GRID2: variants seen among roughly 807,000 people sequenced by gnomAD.
The protein encoded by GRID2 is glutamate ionotropic receptor delta type subunit 2.
In GRID2, 33 loss-of-function variants were observed where a neutral mutation model predicts 114.8. The ratio of observed to expected loss-of-function variants is 0.29; its 90% CI spans 0.22 to 0.38. The LOEUF (loss-of-function observed/expected upper bound fraction) is 0.38, where lower values mean the gene tolerates loss of function less well. Ranked by LOEUF, GRID2 falls within the 10% of genes least tolerant of loss-of-function variation. The pLI is 1.00. For missense variants in GRID2, 1,184 were observed against 1,257.7 expected (o/e 0.94, Z 0.89); for synonymous variants, 505 against 449.9 (o/e 1.12, Z -1.55).
At chr4:92,604,123 A>G (rs1729347297) in intron 2 of GRID2, among the ~76,000 whole-genome samples, 2 of 152,176 alleles carry the variant, frequency 1.3e-5, no homozygotes, top group Admixed American at 6.6e-5. Flanking sequence ...TGTGGAAGAC[A>G]GTGTGGCAAT....
chr4:93,644,745 G>A (rs1721952874), intron 14 of GRID2, among the ~76,000 whole-genome samples: 2 of 152,080 alleles, frequency 1.3e-5, no homozygotes, highest in African/African-American at 4.8e-5. Flanking sequence ...ATTCATTAAG[G>A]TAGATGAGAA....
rs1470596482 is a variant in GRID2 at position 93,631,000 on chromosome 4, AC to A, written c.2360+4566del. ...ACACATAATAACCCGTGAGGTAAAT[AC>A]TGTTGCTGTCCTAATTGTACAGATA... On this transcript the variant is annotated intron_variant, in intron 14 of 15. Coordinates refer to ENST00000282020, the MANE Select transcript of GRID2 (RefSeq NM_001510.4). Among the ~76,000 whole-genome samples, 80 of 152,142 alleles carry A rather than the reference AC, an allele frequency of 5.3e-4. 1 individual carries two copies. Among genetic ancestry groups the A allele is most frequent in the Non-Finnish European group, 1.3e-4 (9 of 68,032 alleles).
At chr4:93,483,712 A>ACATGAAATC (rs1726094443) in intron 11 of GRID2, among the ~76,000 whole-genome samples, 3 of 151,972 alleles carry the variant, frequency 2.0e-5, no homozygotes, top group Non-Finnish European at 2.9e-5. Flanking sequence ...CATGTGGTAA[A>ACATGAAATC]ACAATCACAT....
chr4:92,672,042 ATTAT>A (rs932186065), intron 2 of GRID2, among the ~76,000 whole-genome samples: 5 of 152,130 alleles, frequency 3.3e-5, no homozygotes, highest in South Asian at 2.1e-4. Flanking sequence ...TGAGATTTTT[ATTAT>A]TTAAACTTTT....
intron 2 of GRID2, among the ~76,000 whole-genome samples, chr4:92,779,186 A>ATGTG (rs70942930): frequency 0.066 from 9,701 of 147,152 alleles, 383 homozygotes; most frequent in African/African-American, 0.11. Flanking sequence ...TAGTAAGTAA[A>ATGTG]TGTGTGTGTG....
intron 1 of GRID2, among the ~76,000 whole-genome samples, chr4:92,384,668 CA>C (rs1467842627): frequency 2.6e-5 from 2 of 76,762 alleles, no homozygotes; most frequent in African/African-American, 9.0e-5. Context: ...ATATTATATA[CA>C]TATATTATAT....
intron 7 of GRID2, among the ~76,000 whole-genome samples, chr4:93,235,876 A>G (rs910953694): frequency 2.0e-5 from 3 of 152,098 alleles, no homozygotes; most frequent in Admixed American, 6.6e-5. Flanking sequence ...TGAAAATAAT[A>G]ACACAACACC....
chr4:93,203,171 A>T (rs1262382076), intron 4 of GRID2, among the ~76,000 whole-genome samples: 1 of 152,072 alleles, frequency 6.6e-6, no homozygotes, highest in East Asian at 1.9e-4. Context: ...GTAACATTTG[A>T]TTACAAAATC....
intron 2 of GRID2, among the ~76,000 whole-genome samples, chr4:92,740,799 T>G (rs1736859523): frequency 6.6e-6 from 1 of 152,020 alleles, no homozygotes; most frequent in African/African-American, 2.4e-5. Flanking sequence ...CTGGCTAGAG[T>G]GCAGTGGAGC....
chr4:93,431,577 T>C (rs963441514), intron 10 of GRID2, among the ~76,000 whole-genome samples: 3 of 152,096 alleles, frequency 2.0e-5, no homozygotes, highest in African/African-American at 7.2e-5. Context: ...TTTGGTAGCA[T>C]AGTGGGAGAA....
At chr4:92,538,828 G>A (rs1418168752) in intron 1 of GRID2, among the ~76,000 whole-genome samples, 5 of 151,944 alleles carry the variant, frequency 3.3e-5, no homozygotes. Flanking sequence ...ATGCCTAATA[G>A]TCAGGAGATC....
intron 14 of GRID2, among the ~76,000 whole-genome samples, chr4:93,675,263 C>A (rs907097526): frequency 6.6e-6 from 1 of 151,964 alleles, no homozygotes; most frequent in African/African-American, 2.4e-5. Flanking sequence ...TGCCAAAGAC[C>A]TTGACTTAAA....
At chr4:92,850,825 C>A (rs1054139014) in intron 2 of GRID2, among the ~76,000 whole-genome samples, 1 of 151,850 alleles carries the variant, frequency 6.6e-6, no homozygotes, top group African/African-American at 2.4e-5. Flanking sequence ...GGGATGTGTT[C>A]AAAAATACCA....
chr4:92,715,488 G>A (rs113742894), intron 2 of GRID2, among the ~76,000 whole-genome samples: 323 of 151,932 alleles, frequency 2.1e-3, no homozygotes, highest in African/African-American at 7.5e-3. Context: ...TCAATTTACT[G>A]TATTATTCCT....
At chr4:93,723,662 T>A (rs1295147759) in intron 14 of GRID2, among the ~76,000 whole-genome samples, 1 of 152,246 alleles carries the variant, frequency 6.6e-6, no homozygotes, top group Non-Finnish European at 1.5e-5. Context: ...GATATAAAGA[T>A]ACCATCAATA....
At chr4:92,695,330 T>C (rs1321872766) in intron 2 of GRID2, among the ~76,000 whole-genome samples, 2 of 152,002 alleles carry the variant, frequency 1.3e-5, no homozygotes, top group Non-Finnish European at 2.9e-5. Flanking sequence ...TAGTTTTTTT[T>C]ATATCTCCTC....
chr4:93,365,377 T>C (rs947368978), intron 8 of GRID2, among the ~76,000 whole-genome samples: 6 of 152,200 alleles, frequency 3.9e-5, no homozygotes, highest in Admixed American at 2.6e-4. Flanking sequence ...CAAATAGATA[T>C]GTTCAGCATT....
chr4:93,043,774 G>A (rs1349256539), intron 2 of GRID2, among the ~76,000 whole-genome samples: 1 of 151,652 alleles, frequency 6.6e-6, no homozygotes, highest in East Asian at 1.9e-4. Flanking sequence ...GGGGTGGGGG[G>A]AGCGGGGAGG....
At position 92,935,620 on chromosome 4, in the gene GRID2, G is replaced by A. The variant is rs541551099; in HGVS notation, c.245-149375G>A. Among the ~76,000 whole-genome samples the A allele has an allele frequency of 1.5e-3, 213 of 146,858 alleles. 5 individuals are homozygous for A. The highest frequency in any genetic ancestry group is 5.0e-3 in the African/African-American group (204 of 41,194). On this transcript the variant is annotated intron_variant, in intron 2 of 15. Transcript: ENST00000282020. ...TTGCGGCACTATTCACAACAGCAAA[G>A]ACTTGGAACCCACCCAAATGTCCAA...
Sources: gnomAD v4.1 joint callset for allele counts (sites outside exome capture counted in the v4.1 genomes callset) on GRCh38, gnomAD v4.1.1 for gene constraint, MANE v1.5 for transcripts, NCBI Gene and HGNC (gene_info 2026-07-23, HGNC 2026-07-21) for gene names.